The following NIPBL variants were observed in gnomAD, a reference collection of about 807,000 sequenced individuals.
NIPBL encodes nipped-B-like protein.
In NIPBL, 19 loss-of-function variants were observed where a neutral mutation model predicts 321.8. That is an observed-to-expected ratio of 0.06 (90% CI 0.04 to 0.09). The LOEUF (loss-of-function observed/expected upper bound fraction) is 0.09, where lower values mean the gene tolerates loss of function less well. Ranked by LOEUF, NIPBL falls within the 10% of genes least tolerant of loss-of-function variation. The pLI, the probability that NIPBL is intolerant of heterozygous loss-of-function variation, is 1.00. For missense variants in NIPBL, 2,210 were observed against 3,327.0 expected (o/e 0.66, Z 8.26); for synonymous variants, 1,106 against 1,114.1 (o/e 0.99, Z 0.14).
chr5:36,948,727 T>C (rs115219155), intron 1 of NIPBL, among the ~76,000 whole-genome samples: 271 of 152,030 alleles, frequency 1.8e-3, no homozygotes, highest in Non-Finnish European at 3.0e-3. Context: ...AAAACTGTTT[T>C]TCCTCAAAGT....
At chr5:36,942,062 A>G (rs1180826426) in intron 1 of NIPBL, among the ~76,000 whole-genome samples, 3 of 152,086 alleles carry the variant, frequency 2.0e-5, no homozygotes, top group East Asian at 3.9e-4. Flanking sequence ...TGTAAATCGA[A>G]CTATTTAAAA....
chr5:37,027,805 G>A lies in NIPBL; in HGVS notation c.5862+393G>A, dbSNP rs184087587. On this transcript the variant is annotated intron_variant, in intron 32 of 46. Transcript: ENST00000282516. Reference sequence around the variant, plus strand: ...GGCTAATTTTTGTATTTTTGGTAGAGACGGGGTTTTACTATGTTGGCCAGG... The same window carrying A: ...GGCTAATTTTTGTATTTTTGGTAGAAACGGGGTTTTACTATGTTGGCCAGG... Among the ~76,000 whole-genome samples, 493 of 151,878 alleles carry A rather than the reference G, an allele frequency of 3.2e-3. 2 individuals are homozygous for A. Among genetic ancestry groups the A allele is most frequent in the African/African-American group, 0.011 (476 of 41,420 alleles).
chr5:37,030,302 T>G (rs570548105), intron 32 of NIPBL, among the ~76,000 whole-genome samples: 17 of 152,140 alleles, frequency 1.1e-4, no homozygotes, highest in Non-Finnish European at 1.9e-4. Flanking sequence ...AGCAACTTAG[T>G]TTACCAATGA....
chr5:37,000,840 G>C lies in NIPBL; in HGVS notation c.3526G>C (p.Glu1176Gln). Residue 1176 changes from glutamate (E) to glutamine (Q), a missense_variant, in exon 13 of 47, where the codon GAA becomes CAA. Glu to Gln is a conservative substitution (Grantham distance 29). This residue lies in a region of NIPBL where 381 missense variants were observed against 642.3 expected (regional missense o/e 0.59). Transcript: ENST00000282516. ...SEVARKMKKK[E>Q]KQKKRKAYEP... is the part of the protein sequence containing the mutation. ...AGTTGCTAGGAAAATGAAGAAAAAA[G>C]AAAAACAGAAGAAAAGGAAAGCATA... 6.2e-7 allele frequency: 1 copy of C among 1,611,900 alleles called. No homozygotes were observed. The highest frequency in any genetic ancestry group is 8.5e-7 in the Non-Finnish European group (1 of 1,178,506).
At chr5:37,006,250 C>A in intron 16 of NIPBL, 107 bp from the exon 17 acceptor site, 1 of 712,060 alleles carries the variant, frequency 1.4e-6, no homozygotes, top group South Asian at 1.6e-5. Flanking sequence ...AGAATTAACA[C>A]ACATCATAAC....
chr5:36,894,251 CTCAAGT>C (rs1389213234), intron 1 of NIPBL, among the ~76,000 whole-genome samples: 1 of 152,042 alleles, frequency 6.6e-6, no homozygotes, highest in African/African-American at 2.4e-5. Context: ...ATCAAATTAG[CTCAAGT>C]TCATCTGATA....
intron 30 of NIPBL, among the ~76,000 whole-genome samples, chr5:37,024,971 C>CA (rs1750090729): frequency 6.6e-6 from 1 of 152,228 alleles, no homozygotes; most frequent in Admixed American, 6.5e-5. Context: ...GTAGCTCATG[C>CA]CTATAATCCC....
rs757394370 is a variant in NIPBL at position 36,985,681 on chromosome 5, G to T, written c.2501G>T (p.Arg834Leu). ...GACAGGGGTGAATCAGAGCGACATC[G>T]AGGGGATCAGTCTAGGGTTCGAAGA... ...SDDRGESERH[R>L]GDQSRVRRPE... is the part of the protein sequence containing the mutation. The change falls in exon 10 of 47, where the codon CGA (arginine) becomes CTA (leucine). Residue 834 changes from arginine (R) to leucine (L), a missense_variant. Physicochemically the swap from Arg to Leu is moderately radical, Grantham distance 102 (BLOSUM62 -2). Around this residue, in one of 14 missense-constraint regions of NIPBL, gnomAD observed 588 missense variants for 564.1 expected, o/e 1.04. Transcript: ENST00000282516. 8.7e-6 allele frequency: 14 copies of T among 1,613,890 alleles called. No individual in the cohort carries two copies. Among genetic ancestry groups the T allele is most frequent in the Non-Finnish European group, 1.2e-5 (14 of 1,179,970 alleles).
At chr5:37,050,037 C>T (rs968278957) in intron 40 of NIPBL, among the ~76,000 whole-genome samples, 1 of 152,152 alleles carries the variant, frequency 6.6e-6, no homozygotes, top group African/African-American at 2.4e-5. Flanking sequence ...CTTCATGACT[C>T]CGGGCTATTA....
At chr5:37,014,132 G>A (rs1345091643) in intron 21 of NIPBL, among the ~76,000 whole-genome samples, 1 of 152,194 alleles carries the variant, frequency 6.6e-6, no homozygotes, top group Non-Finnish European at 1.5e-5. Context: ...AGGCAGGGAG[G>A]TTGCAGTGAG....
chr5:37,057,328 A>G lies in NIPBL; in HGVS notation c.7406A>G (p.Lys2469Arg). The G allele has an allele frequency of 1.2e-6, 2 of 1,613,460 alleles. No homozygotes were observed. Among genetic ancestry groups the G allele is most frequent in the Non-Finnish European group, 1.7e-6 (2 of 1,179,554 alleles). Reference protein sequence around the residue: ...VSGSNLLQSFKESMVKDKRKE... With the variant: ...VSGSNLLQSFRESMVKDKRKE... ...GGTAGTAACCTACTGCAGTCATTCAAGGAGGTAAGTTACACACATTACTAT... is the reference window on the plus strand; with the variant it reads ...GGTAGTAACCTACTGCAGTCATTCAGGGAGGTAAGTTACACACATTACTAT... The change falls in exon 43 of 47, where the codon AAG (lysine) becomes AGG (arginine). Residue 2469 changes from lysine to arginine, a missense_variant. Transcript: ENST00000282516.
chr5:37,059,552 C>A (rs1754450483), intron 44 of NIPBL, among the ~76,000 whole-genome samples: 1 of 152,056 alleles, frequency 6.6e-6, no homozygotes, highest in Admixed American at 6.5e-5. Flanking sequence ...TGCATGCTTA[C>A]TTTAATGTTA....
chr5:37,012,843 A>G (rs299397), intron 21 of NIPBL, among the ~76,000 whole-genome samples: 83,543 of 149,582 alleles, frequency 0.56, 24,964 homozygotes, highest in African/African-American at 0.81. Context: ...AGAACAAAAT[A>G]AAAAGTCTCC....
In NIPBL at chr5:37,051,817, A is replaced by G. The variant is rs587784028; in HGVS notation, c.6993A>G (p.Glu2331=). The part of the protein sequence containing the change: ...PYLIAMGTDP[E]PAMRNKADQQ... ...TAATTGCTATGGGCACAGACCCAGAACCTGCTATGCGGAACAAGGCTGATC... is the reference window on the plus strand; with the variant it reads ...TAATTGCTATGGGCACAGACCCAGAGCCTGCTATGCGGAACAAGGCTGATC... The change falls in exon 41 of 47, where the codon GAA becomes GAG. Residue 2331 remains glutamate (E), a synonymous_variant. Coordinates refer to ENST00000282516, the MANE Select transcript of NIPBL (RefSeq NM_133433.4). The G allele has an allele frequency of 1.9e-6, 3 of 1,613,926 alleles. No individual in the cohort carries two copies. The highest frequency in any genetic ancestry group is 2.5e-6 in the Non-Finnish European group (3 of 1,179,962).
intron 1 of NIPBL, among the ~76,000 whole-genome samples, chr5:36,907,844 T>G (rs934381249): frequency 6.6e-6 from 1 of 152,082 alleles, no homozygotes; most frequent in Non-Finnish European, 1.5e-5. Flanking sequence ...ATCATCAAGA[T>G]GGACAAAGAA....
At position 37,064,746 on chromosome 5, in the gene NIPBL, C is replaced by T; in HGVS notation, c.8269C>T (p.Arg2757Cys). 1.2e-6 allele frequency: 2 copies of T among 1,614,084 alleles called. No homozygotes were observed. Among genetic ancestry groups the T allele is most frequent in the Non-Finnish European group, 1.7e-6 (2 of 1,180,024 alleles). The change falls in exon 47 of 47, where the codon CGC becomes TGC. Residue 2757 changes from arginine (R) to cysteine (C), a missense_variant. Coordinates refer to ENST00000282516, the MANE Select transcript of NIPBL (RefSeq NM_133433.4). The part of the protein sequence containing the change: ...SWTEAKRRDG[R>C]KLVPWVDTIK... ...GACTGAGGCTAAGCGCCGTGATGGC[C>T]GCAAACTGGTGCCTTGGGTAGACAC... is the stretch of plus-strand genomic sequence containing the variant.
chr5:36,934,600 A>G (rs1750018101), intron 1 of NIPBL, among the ~76,000 whole-genome samples: 1 of 152,156 alleles, frequency 6.6e-6, no homozygotes. Flanking sequence ...AAATTATAAG[A>G]TTACAGATAG....
intron 10 of NIPBL, among the ~76,000 whole-genome samples, chr5:36,994,808 T>C (rs909949988): frequency 1.2e-4 from 18 of 152,158 alleles, no homozygotes; most frequent in African/African-American, 4.3e-4. Context: ...TGTGTATGTG[T>C]TTGTGTGTAT....
chr5:37,020,412 C>T, intron 25 of NIPBL, 47 bp from the exon 26 acceptor site: 1 of 1,297,468 alleles, frequency 7.7e-7, no homozygotes, highest in South Asian at 1.2e-5. Context: ...ACTTGGAAAT[C>T]TTGTTGCTAA....
Sources: allele counts gnomAD v4.1 joint callset (sites outside exome capture counted in the v4.1 genomes callset), GRCh38; gene constraint gnomAD v4.1.1; regional missense constraint gnomAD v4.1.1; transcripts MANE v1.5; gene names NCBI Gene and HGNC (gene_info 2026-07-23, HGNC 2026-07-21).